SUGCT: variants seen among roughly 807,000 people sequenced by gnomAD.
SUGCT encodes succinyl-CoA:glutarate CoA-transferase.
Under a neutral mutation model 55.0 loss-of-function variants are expected in SUGCT, and 41 were observed. The observed-to-expected ratio is 0.74, with a 90% CI of 0.58 to 0.97. The LOEUF (loss-of-function observed/expected upper bound fraction) is 0.97. Among genes scored for constraint, SUGCT ranks in the 50% least tolerant of loss-of-function variants. The pLI, the probability that SUGCT is intolerant of heterozygous loss-of-function variation, is 0.00. For missense variants in SUGCT, 568 were observed against 547.8 expected (o/e 1.04, Z -0.37); for synonymous variants, 187 against 200.4 (o/e 0.93, Z 0.56).
At chr7:40,708,926 A>G (rs931162831) in intron 12 of SUGCT, among the ~76,000 whole-genome samples, 6 of 152,174 alleles carry the variant, frequency 3.9e-5, no homozygotes, top group African/African-American at 1.4e-4. Flanking sequence ...CCTTGAGGGT[A>G]GAGGCTTTGC....
intron 6 of SUGCT, among the ~76,000 whole-genome samples, chr7:40,202,148 T>A (rs564545797): frequency 6.6e-6 from 1 of 152,248 alleles, no homozygotes; most frequent in East Asian, 1.9e-4. Context: ...AGTTTTTGTA[T>A]TTTTGGTAGA....
intron 12 of SUGCT, among the ~76,000 whole-genome samples, chr7:40,577,094 A>G (rs1796807114): frequency 6.6e-6 from 1 of 152,242 alleles, no homozygotes; most frequent in Non-Finnish European, 1.5e-5. Flanking sequence ...CTGTATGTCA[A>G]GACCACCAGG....
At chr7:40,292,956 C>T (rs1390795619) in intron 8 of SUGCT, among the ~76,000 whole-genome samples, 4 of 152,018 alleles carry the variant, frequency 2.6e-5, no homozygotes, top group African/African-American at 9.7e-5. Context: ...ATGAAAAAAA[C>T]CATATTGGTC....
chr7:40,245,427 T>TA (rs58174257), intron 7 of SUGCT, among the ~76,000 whole-genome samples: 1,025 of 17,624 alleles, frequency 0.058, 138 homozygotes, highest in South Asian at 0.29. Flanking sequence ...ATATATATTT[T>TA]TTTTTTTTTT....
At chr7:40,642,124 C>T (rs930449271) in intron 12 of SUGCT, among the ~76,000 whole-genome samples, 2 of 152,182 alleles carry the variant, frequency 1.3e-5, no homozygotes, top group Admixed American at 6.5e-5. Context: ...GGCTTGCCAA[C>T]GTCTGATGAT....
intron 12 of SUGCT, among the ~76,000 whole-genome samples, chr7:40,557,989 C>T (rs1020009476): frequency 1.3e-5 from 2 of 151,084 alleles, no homozygotes; most frequent in African/African-American, 4.9e-5. Flanking sequence ...CAGATGAAAA[C>T]AGATCAATAA....
intron 12 of SUGCT, among the ~76,000 whole-genome samples, chr7:40,690,627 G>C (rs1156546862): frequency 6.6e-6 from 1 of 152,000 alleles, no homozygotes; most frequent in Non-Finnish European, 1.5e-5. Flanking sequence ...TAGTGCAGTG[G>C]CTGGATCTCA....
intron 12 of SUGCT, among the ~76,000 whole-genome samples, chr7:40,665,863 C>A (rs1227051992): frequency 6.6e-6 from 1 of 151,364 alleles, no homozygotes; most frequent in Non-Finnish European, 1.5e-5. Flanking sequence ...ATAGGTGTGC[C>A]GGTAAGTATA....
chr7:40,766,786 G>T (rs1221209860), intron 13 of SUGCT, among the ~76,000 whole-genome samples: 1 of 152,100 alleles, frequency 6.6e-6, no homozygotes, highest in African/African-American at 2.4e-5. Context: ...GTTTGAGGTG[G>T]ATATGTGTTC....
the SUGCT span, among the ~76,000 whole-genome samples, chr7:40,894,944 G>A: frequency 2.0e-5 from 3 of 152,150 alleles, no homozygotes; most frequent in African/African-American, 4.8e-5. Flanking sequence ...ATTTGAACCA[G>A]CAATCCCATT....
At chr7:40,439,911 A>T (rs979742585) in intron 9 of SUGCT, among the ~76,000 whole-genome samples, 5 of 152,100 alleles carry the variant, frequency 3.3e-5, no homozygotes, top group Non-Finnish European at 7.4e-5. Flanking sequence ...ATGACACCAG[A>T]CACCTCTTGC....
chr7:40,486,001 A>G (rs1028444158), intron 11 of SUGCT, among the ~76,000 whole-genome samples: 2 of 152,084 alleles, frequency 1.3e-5, no homozygotes, highest in African/African-American at 4.8e-5. Flanking sequence ...TTTGTCTGGT[A>G]TTGGTATCAG....
intron 12 of SUGCT, among the ~76,000 whole-genome samples, chr7:40,563,444 G>A (rs145255058): frequency 4.5e-4 from 69 of 152,136 alleles, no homozygotes; most frequent in African/African-American, 1.5e-3. Flanking sequence ...GGTGGTTTAT[G>A]CCTGTAATCC....
At chr7:40,692,580 A>G (rs756447509) in intron 12 of SUGCT, among the ~76,000 whole-genome samples, 14 of 152,188 alleles carry the variant, frequency 9.2e-5, no homozygotes, top group Non-Finnish European at 1.6e-4. Flanking sequence ...GTAAAATTTA[A>G]TGATGGAGTA....
intron 8 of SUGCT, among the ~76,000 whole-genome samples, chr7:40,316,039 CTA>C (rs529480479): frequency 3.3e-5 from 5 of 152,202 alleles, no homozygotes; most frequent in African/African-American, 7.2e-5. Context: ...GAAATTGACT[CTA>C]AGGTTTTGGA....
chr7:40,203,130 C>G (rs1404998845), intron 6 of SUGCT, among the ~76,000 whole-genome samples: 1 of 152,168 alleles, frequency 6.6e-6, no homozygotes, highest in African/African-American at 2.4e-5. Flanking sequence ...GCTTGCTCCT[C>G]TCTTATGACA....
chr7:40,196,160 A>G lies in SUGCT; in HGVS notation c.484+1100A>G, dbSNP rs370023110. ...CAGCCCTTGCCAGTGAACCTCTTAT[A>G]TATGCATGTATGTGTATGTTTAGGC... On this transcript the variant is annotated intron_variant, in intron 6 of 13. Transcript: ENST00000335693. 3.9e-5 allele frequency among the ~76,000 whole-genome samples: 6 copies of G among 152,130 alleles called. No individual in the cohort carries two copies. The East Asian group carries it at 9.6e-4, about 24-fold the overall frequency.
At chr7:40,991,027 C>T in the SUGCT span, among the ~76,000 whole-genome samples, 1 of 152,212 alleles carries the variant, frequency 6.6e-6, no homozygotes, top group Non-Finnish European at 1.5e-5. Flanking sequence ...CACAACTTGA[C>T]TAACTACTTG....
intron 12 of SUGCT, among the ~76,000 whole-genome samples, chr7:40,591,462 A>G (rs1272902030): frequency 6.6e-6 from 1 of 152,252 alleles, no homozygotes; most frequent in Non-Finnish European, 1.5e-5. Flanking sequence ...TCCTGTGAAC[A>G]TTACTGAATC....
Sources: gnomAD v4.1 joint callset for allele counts (sites outside exome capture counted in the v4.1 genomes callset) on GRCh38, gnomAD v4.1.1 for gene constraint, MANE v1.5 for transcripts, NCBI Gene and HGNC (gene_info 2026-07-23, HGNC 2026-07-21) for gene names.